PPARGC1A: variants seen among roughly 807,000 people sequenced by gnomAD.
The protein encoded by PPARGC1A is peroxisome proliferator-activated receptor gamma coactivator 1-alpha.
A neutral mutation model predicts 88.7 loss-of-function variants in PPARGC1A; 25 were observed. That is an observed-to-expected ratio of 0.28 (90% confidence interval 0.21 to 0.39). The LOEUF (loss-of-function observed/expected upper bound fraction) is 0.39, where lower values mean the gene tolerates loss of function less well. PPARGC1A is among the 10% of genes least tolerant of loss of function. PPARGC1A has a pLI of 1.00. For missense variants in PPARGC1A, 880 were observed against 968.7 expected, an observed-to-expected ratio of 0.91 and a Z score of 1.22; for synonymous variants, 363 against 355.6, an observed-to-expected ratio of 1.02 and a Z score of -0.24.
chr4:23,986,307 C>T, the PPARGC1A span, among the ~76,000 whole-genome samples: 4 of 151,946 alleles, frequency 2.6e-5, no homozygotes, highest in East Asian at 3.9e-4. Flanking sequence ...AAGATTTCAC[C>T]GTACTTTGGT....
At chr4:24,169,696 C>G in the PPARGC1A span, among the ~76,000 whole-genome samples, 1 of 152,022 alleles carries the variant, frequency 6.6e-6, no homozygotes, top group African/African-American at 2.4e-5. Context: ...ATGGTGAAAC[C>G]CTGTCTCTAC....
chr4:24,404,993 C>T, the PPARGC1A span, among the ~76,000 whole-genome samples: 8 of 152,292 alleles, frequency 5.3e-5, no homozygotes, highest in South Asian at 1.7e-3. Flanking sequence ...GTCACTTACA[C>T]TTCCCTGGGC....
chr4:24,344,648 T>G, the PPARGC1A span, among the ~76,000 whole-genome samples: 2 of 152,138 alleles, frequency 1.3e-5, no homozygotes, highest in African/African-American at 4.8e-5. Context: ...AGATTATGGA[T>G]ATTAGTCCTT....
chr4:24,170,901 C>T, the PPARGC1A span, among the ~76,000 whole-genome samples: 1 of 152,178 alleles, frequency 6.6e-6, no homozygotes, highest in African/African-American at 2.4e-5. Context: ...CTTTCTCTGA[C>T]ATCATCTCTT....
chr4:24,132,022 C>T, the PPARGC1A span, among the ~76,000 whole-genome samples: 1 of 152,210 alleles, frequency 6.6e-6, no homozygotes, highest in African/African-American at 2.4e-5. Flanking sequence ...TGCCAATTCA[C>T]ACTGGCCATC....
At chr4:23,806,565 G>A (rs533502897) in intron 10 of PPARGC1A, among the ~76,000 whole-genome samples, 2 of 152,294 alleles carry the variant, frequency 1.3e-5, no homozygotes, top group South Asian at 2.1e-4. Context: ...TCACTATTGA[G>A]GAGGATGGTA....
chr4:24,338,235 C>T, the PPARGC1A span, among the ~76,000 whole-genome samples: 5 of 152,044 alleles, frequency 3.3e-5, no homozygotes, highest in Admixed American at 1.3e-4. Context: ...TGAACCACAC[C>T]GAGCGCATTT....
the PPARGC1A span, among the ~76,000 whole-genome samples, chr4:24,435,430 C>T: frequency 6.6e-6 from 1 of 152,208 alleles, no homozygotes; most frequent in Non-Finnish European, 1.5e-5. Flanking sequence ...GGAAGCCCTT[C>T]CTACTTGCTG....
chr4:24,430,403 G>A, the PPARGC1A span, among the ~76,000 whole-genome samples: 1,231 of 151,294 alleles, frequency 8.1e-3, 10 homozygotes, highest in African/African-American at 0.028. Flanking sequence ...GACTGCAGGC[G>A]CCCGCCACCA....
chr4:24,384,029 C>T, the PPARGC1A span, among the ~76,000 whole-genome samples: 1 of 152,150 alleles, frequency 6.6e-6, no homozygotes, highest in African/African-American at 2.4e-5. Flanking sequence ...GTGGATCCCT[C>T]TGTTAGTTGC....
At chr4:24,324,696 G>C in the PPARGC1A span, among the ~76,000 whole-genome samples, 4 of 152,178 alleles carry the variant, frequency 2.6e-5, no homozygotes, top group East Asian at 7.7e-4. Flanking sequence ...AATTCTTGTC[G>C]TAAAATGGGC....
At chr4:23,799,603 C>G (rs956478448) in intron 12 of PPARGC1A, among the ~76,000 whole-genome samples, 2 of 152,146 alleles carry the variant, frequency 1.3e-5, no homozygotes, top group Non-Finnish European at 2.9e-5. Context: ...TTGGAAAAAT[C>G]CATCCTACTA....
chr4:24,002,816 C>G, the PPARGC1A span, among the ~76,000 whole-genome samples: 29 of 152,176 alleles, frequency 1.9e-4, no homozygotes, highest in Admixed American at 1.8e-3. Flanking sequence ...CCACGTATGC[C>G]CACTAGTGTC....
At chr4:23,970,211 T>A in the PPARGC1A span, among the ~76,000 whole-genome samples, 2,509 of 152,304 alleles carry the variant, frequency 0.016, 22 homozygotes, top group Non-Finnish European at 0.026. Flanking sequence ...ATGATCACCA[T>A]AAATTTCAAC....
the PPARGC1A span, among the ~76,000 whole-genome samples, chr4:24,075,154 G>A: frequency 6.6e-6 from 1 of 152,174 alleles, no homozygotes; most frequent in Non-Finnish European, 1.5e-5. Flanking sequence ...ACAGAGAACA[G>A]GGCTTGTCAT....
the PPARGC1A span, among the ~76,000 whole-genome samples, chr4:24,221,040 T>G: frequency 6.6e-6 from 1 of 152,300 alleles, no homozygotes; most frequent in East Asian, 1.9e-4. Flanking sequence ...TGTAACATTA[T>G]TTTTTTAAAT....
At chr4:24,441,107 T>G in the PPARGC1A span, among the ~76,000 whole-genome samples, 1 of 152,206 alleles carries the variant, frequency 6.6e-6, no homozygotes, top group East Asian at 1.9e-4. Flanking sequence ...AAAAACAGTC[T>G]TCAGTTCATC....
the PPARGC1A span, among the ~76,000 whole-genome samples, chr4:24,102,492 G>A: frequency 1.3e-5 from 2 of 152,188 alleles, no homozygotes; most frequent in Non-Finnish European, 2.9e-5. Context: ...CTGAGGCCCT[G>A]TTTCTTCCAG....
chr4:23,802,121 T>G, intron 11 of PPARGC1A, 103 bp downstream of exon 11: 1 of 1,493,654 alleles, frequency 6.7e-7, no homozygotes, highest in Non-Finnish European at 9.2e-7. Context: ...ACATGTCATC[T>G]GTCAAAGCAC....
Sources: gnomAD v4.1 joint callset for allele counts (sites outside exome capture counted in the v4.1 genomes callset) on GRCh38, gnomAD v4.1.1 for gene constraint, MANE v1.5 for transcripts, NCBI Gene and HGNC (gene_info 2026-07-23, HGNC 2026-07-21) for gene names.